CD96: variants seen among roughly 807,000 people sequenced by gnomAD.
CD96 encodes T-cell surface protein tactile.
CD96 carries 70 observed loss-of-function variants against 71.3 expected under a neutral mutation model. That is an observed-to-expected ratio of 0.98 (90% CI 0.81 to 1.20). CD96 has a LOEUF of 1.20. Ranked by LOEUF, CD96 falls within the 50% of genes most tolerant of loss-of-function variation. The pLI, the probability that CD96 is intolerant of heterozygous loss-of-function variation, is 0.00. For missense variants in CD96, 742 were observed against 677.5 expected (o/e 1.10, Z -1.06); for synonymous variants, 248 against 233.0 (o/e 1.06, Z -0.59).
intron 10 of CD96, among the ~76,000 whole-genome samples, chr3:111,632,758 A>G (rs544113716): frequency 2.0e-5 from 3 of 152,292 alleles, no homozygotes; most frequent in Admixed American, 6.5e-5. Context: ...AGAAAATGTA[A>G]TACATATACA....
intron 8 of CD96, among the ~76,000 whole-genome samples, chr3:111,607,384 C>G (rs148251553): frequency 5.5e-4 from 84 of 152,256 alleles, no homozygotes; most frequent in Middle Eastern, 3.4e-3. Context: ...GCCCTCCCAT[C>G]TGAGGCATCA....
At chr3:111,629,946 C>G (rs1306381624) in intron 10 of CD96, among the ~76,000 whole-genome samples, 2 of 152,076 alleles carry the variant, frequency 1.3e-5, no homozygotes, top group Non-Finnish European at 2.9e-5. Context: ...AGGCAGAAAT[C>G]AAGAAGTTCT....
At chr3:111,657,788 G>A (rs1269822611) in intron 14 of CD96, among the ~76,000 whole-genome samples, 1 of 151,766 alleles carries the variant, frequency 6.6e-6, no homozygotes, top group African/African-American at 2.4e-5. Context: ...GTGTGTATAT[G>A]TGTGTGTGTG....
intron 6 of CD96, among the ~76,000 whole-genome samples, chr3:111,600,194 C>T (rs1464298216): frequency 6.6e-6 from 1 of 152,242 alleles, no homozygotes; most frequent in Non-Finnish European, 1.5e-5. Flanking sequence ...TTCGTCCTTC[C>T]TCTCTAAGGG....
intron 8 of CD96, among the ~76,000 whole-genome samples, chr3:111,607,617 A>G (rs1344370202): frequency 6.6e-6 from 1 of 152,250 alleles, no homozygotes; most frequent in Non-Finnish European, 1.5e-5. Context: ...ATTTTAGCTC[A>G]AAATGAGAAC....
intron 5 of CD96, among the ~76,000 whole-genome samples, chr3:111,586,029 C>T (rs1023284638): frequency 6.6e-6 from 1 of 152,072 alleles, no homozygotes; most frequent in African/African-American, 2.4e-5. Context: ...TCAGTTTCCC[C>T]ATCTATATGA....
At chr3:111,558,067 A>T (rs1463160083) in intron 2 of CD96, among the ~76,000 whole-genome samples, 1 of 148,652 alleles carries the variant, frequency 6.7e-6, no homozygotes, top group Non-Finnish European at 1.5e-5. Context: ...GTATCCTGAG[A>T]CTTTGCTGAA....
At chr3:111,585,625 G>GT (rs981925155) in intron 5 of CD96, among the ~76,000 whole-genome samples, 1 of 151,980 alleles carries the variant, frequency 6.6e-6, no homozygotes, top group Non-Finnish European at 1.5e-5. Context: ...AAAAAAAATA[G>GT]TCACAATTTG....
chr3:111,646,456 A>AAATCACT (rs1232157346), intron 12 of CD96, among the ~76,000 whole-genome samples: 2 of 152,062 alleles, frequency 1.3e-5, no homozygotes, highest in Non-Finnish European at 2.9e-5. Context: ...TAAAAGCTCA[A>AAATCACT]AATCACTAAT....
At chr3:111,637,822 A>G (rs918133423) in intron 11 of CD96, among the ~76,000 whole-genome samples, 2 of 151,590 alleles carry the variant, frequency 1.3e-5, no homozygotes, top group Non-Finnish European at 1.5e-5. Context: ...ACCAATAGGA[A>G]ATTTTCCTAT....
rs146387805 is a variant in CD96, at chr3:111,545,314, T to C, written c.330T>C (p.Cys110=). ...KWTLHLRNMS[C]SVSGRYECML... ...CTCTGCACTTAAGGAATATGTCTTGTTCAGTCAGTGGAAGGTACGAGTGTA... is the reference window on the plus strand; with the variant it reads ...CTCTGCACTTAAGGAATATGTCTTGCTCAGTCAGTGGAAGGTACGAGTGTA... The change falls in exon 2 of 14, where the codon TGT becomes TGC. Residue 110 remains cysteine (C), a synonymous_variant. Coordinates refer to ENST00000352690, the MANE Select transcript of CD96 (RefSeq NM_005816.5). 3.1e-6 allele frequency: 5 copies of C among 1,613,976 alleles called. No homozygotes were observed. In the African/African-American group the frequency reaches 5.3e-5, roughly 17 times the overall value.
At chr3:111,601,886 A>T (rs1317145613) in intron 7 of CD96, among the ~76,000 whole-genome samples, 1 of 152,184 alleles carries the variant, frequency 6.6e-6, no homozygotes, top group Non-Finnish European at 1.5e-5. Context: ...TACCCAGCAT[A>T]AATCTATCCC....
At chr3:111,585,400 G>A in intron 5 of CD96, 22 bp downstream of exon 5, 1 of 1,498,834 alleles carries the variant, frequency 6.7e-7, no homozygotes, top group Non-Finnish European at 9.3e-7. Flanking sequence ...AAAAGCCTTT[G>A]AAAATCTACA....
intron 5 of CD96, chr3:111,593,713 C>T: frequency 1.4e-5 from 22 of 1,614,170 alleles, no homozygotes; most frequent in Non-Finnish European, 1.8e-5. Context: ...CTGCCCTTTC[C>T]CTCCTAAGCA....
At chr3:111,615,597 T>A (rs1024499266) in intron 8 of CD96, among the ~76,000 whole-genome samples, 3 of 152,214 alleles carry the variant, frequency 2.0e-5, no homozygotes, top group African/African-American at 4.8e-5. Context: ...TGTGTGTATG[T>A]GTGTGTCTGC....
At chr3:111,585,727 T>C (rs1047245184) in intron 5 of CD96, among the ~76,000 whole-genome samples, 1 of 152,228 alleles carries the variant, frequency 6.6e-6, no homozygotes, top group African/African-American at 2.4e-5. Flanking sequence ...AGGAGGCTTT[T>C]GCTCAGCTGA....
intron 3 of CD96, among the ~76,000 whole-genome samples, chr3:111,568,570 A>T (rs972841826): frequency 1.3e-5 from 2 of 152,182 alleles, no homozygotes; most frequent in Non-Finnish European, 2.9e-5. Flanking sequence ...AATCGGATTT[A>T]TGATTTAATT....
In CD96 at chr3:111,639,281, G is replaced by A. The variant is rs533356469; in HGVS notation, c.1477+1113G>A. Among the ~76,000 whole-genome samples, 21 of 152,286 alleles carry A rather than the reference G, an allele frequency of 1.4e-4. No homozygotes were observed. The South Asian group carries it at 3.5e-3, about 26-fold the overall frequency. On this transcript the variant is annotated intron_variant, in intron 12 of 13. Transcript: ENST00000352690. ...TGGAGACAGACTCGGGGCTGTTGGCGGGGTGGGGGGCATGGTGGGAGTGAG... is the reference window on the plus strand; with the variant it reads ...TGGAGACAGACTCGGGGCTGTTGGCAGGGTGGGGGGCATGGTGGGAGTGAG...
chr3:111,653,403 T>C (rs1336901317), downstream of CD96, among the ~76,000 whole-genome samples: 1 of 152,242 alleles, frequency 6.6e-6, no homozygotes, highest in Non-Finnish European at 1.5e-5. Flanking sequence ...TTTTAGCTCA[T>C]ACGTAAGTGC....
Sources: gnomAD v4.1 joint callset for allele counts (sites outside exome capture counted in the v4.1 genomes callset) on GRCh38, gnomAD v4.1.1 for gene constraint, MANE v1.5 for transcripts, NCBI Gene and HGNC (gene_info 2026-07-23, HGNC 2026-07-21) for gene names.